The following CCDC91 variants were observed in gnomAD, a reference collection of about 807,000 sequenced individuals.
The protein encoded by CCDC91 is coiled-coil domain containing 91.
In CCDC91, 48 loss-of-function variants were observed where a neutral mutation model predicts 63.2. The observed-to-expected ratio is 0.76, with a 90% CI of 0.60 to 0.97. The LOEUF is 0.97. Among genes scored for constraint, CCDC91 ranks in the 50% least tolerant of loss-of-function variants. The pLI is 0.00. For synonymous variants in CCDC91, 167 were observed against 165.8 expected (o/e 1.01, Z -0.06); for missense variants, 500 against 494.6 (o/e 1.01, Z -0.10).
intron 7 of CCDC91, among the ~76,000 whole-genome samples, chr12:28,367,836 G>A (rs1199431379): frequency 6.6e-6 from 1 of 151,768 alleles, no homozygotes; most frequent in South Asian, 2.1e-4. Flanking sequence ...TTTGAATATG[G>A]CAAATTTCCC....
intron 6 of CCDC91, among the ~76,000 whole-genome samples, chr12:28,314,253 A>G (rs1239322452): frequency 6.6e-6 from 1 of 151,994 alleles, no homozygotes; most frequent in Non-Finnish European, 1.5e-5. Context: ...TTACCTATAA[A>G]TGGATTTATA....
intron 6 of CCDC91, among the ~76,000 whole-genome samples, chr12:28,317,271 G>T (rs1939994080): frequency 6.6e-6 from 1 of 151,958 alleles, no homozygotes; most frequent in Non-Finnish European, 1.5e-5. Flanking sequence ...GGATTTTTGA[G>T]ACATCTAAAA....
At chr12:28,531,348 A>C (rs1462853412) in intron 12 of CCDC91, among the ~76,000 whole-genome samples, 1 of 152,118 alleles carries the variant, frequency 6.6e-6, no homozygotes. Flanking sequence ...AAATTATCAA[A>C]ATTTTTTATA....
intron 11 of CCDC91, among the ~76,000 whole-genome samples, chr12:28,471,586 A>G (rs1451265519): frequency 1.3e-5 from 2 of 152,164 alleles, no homozygotes; most frequent in African/African-American, 2.4e-5. Context: ...CAGTTTGGAG[A>G]TAGGTCAAGG....
chr12:28,478,481 AAATGT>A (rs1951246371), intron 11 of CCDC91, among the ~76,000 whole-genome samples: 1 of 152,170 alleles, frequency 6.6e-6, no homozygotes, highest in East Asian at 1.9e-4. Context: ...TTAAAGACTT[AAATGT>A]TAGACCTAAA....
At chr12:28,318,771 A>T (rs1338638623) in intron 6 of CCDC91, among the ~76,000 whole-genome samples, 5 of 152,052 alleles carry the variant, frequency 3.3e-5, no homozygotes, top group Non-Finnish European at 7.4e-5. Context: ...ATTTATTGGA[A>T]CTAAATGGAA....
chr12:28,308,927 C>G (rs1939028261), intron 6 of CCDC91, among the ~76,000 whole-genome samples: 1 of 151,966 alleles, frequency 6.6e-6, no homozygotes, highest in South Asian at 2.1e-4. Flanking sequence ...AAATGTAAAT[C>G]AAATCAGATC....
chr12:28,507,922 G>A (rs1266242815), intron 12 of CCDC91, among the ~76,000 whole-genome samples: 1 of 151,910 alleles, frequency 6.6e-6, no homozygotes, highest in Non-Finnish European at 1.5e-5. Flanking sequence ...AGCTGGGATG[G>A]CCCTTCAGGG....
rs114996763 is a variant in CCDC91, at chr12:28,454,565, G to C, written c.1101+1911G>C. On this transcript the variant is annotated intron_variant, in intron 11 of 12. Coordinates refer to ENST00000536442, the MANE Select transcript of CCDC91 (RefSeq NM_018318.5). ...TTGCCATCTTTCTTGGACTGGGCAG[G>C]AGAGTAGGCTATAACAACTGTTTGC... Among the ~76,000 whole-genome samples the C allele has an allele frequency of 7.7e-3, 1,171 of 152,226 alleles. 20 individuals are homozygous for C. The highest frequency in any genetic ancestry group is 0.027 in the African/African-American group (1,137 of 41,532).
chr12:28,531,162 A>G (rs1941698385), intron 12 of CCDC91, among the ~76,000 whole-genome samples: 2 of 152,168 alleles, frequency 1.3e-5, no homozygotes, highest in South Asian at 4.1e-4. Flanking sequence ...TGTGCTTTTC[A>G]GAGATATTTC....
At chr12:28,232,902 AC>A (rs1944691566) in intron 1 of CCDC91, among the ~76,000 whole-genome samples, 1 of 150,650 alleles carries the variant, frequency 6.6e-6, no homozygotes, top group African/African-American at 2.4e-5. Flanking sequence ...AATCACTTGA[AC>A]CCAGGAGGCA....
intron 12 of CCDC91, among the ~76,000 whole-genome samples, chr12:28,486,594 T>C (rs1471937537): frequency 1.3e-5 from 2 of 152,116 alleles, no homozygotes; most frequent in East Asian, 1.9e-4. Context: ...AAGGGAGTTA[T>C]GTGGCTACCA....
chr12:28,250,925 T>G (rs901827047), intron 1 of CCDC91, among the ~76,000 whole-genome samples: 2 of 150,908 alleles, frequency 1.3e-5, no homozygotes, highest in African/African-American at 4.9e-5. Flanking sequence ...CAGTCTTAAT[T>G]GCTTTCTATT....
At chr12:28,301,012 A>G (rs1268048194) in intron 3 of CCDC91, among the ~76,000 whole-genome samples, 2 of 151,644 alleles carry the variant, frequency 1.3e-5, no homozygotes, top group African/African-American at 4.8e-5. Context: ...TATTCTCATG[A>G]TAGAAACATG....
intron 1 of CCDC91, among the ~76,000 whole-genome samples, chr12:28,232,145 A>G (rs941192702): frequency 2.0e-5 from 3 of 152,088 alleles, no homozygotes; most frequent in African/African-American, 2.4e-5. Context: ...AATTGTGACC[A>G]TGGGTTTTCT....
At chr12:28,449,354 C>A (rs1184953516) in intron 8 of CCDC91, among the ~76,000 whole-genome samples, 2 of 151,924 alleles carry the variant, frequency 1.3e-5, no homozygotes, top group South Asian at 4.2e-4. Context: ...ATCTTACTTG[C>A]CTTTAATAAC....
chr12:28,375,089 A>G (rs1944861552), intron 7 of CCDC91, among the ~76,000 whole-genome samples: 1 of 151,576 alleles, frequency 6.6e-6, no homozygotes. Context: ...CCTGGATCAG[A>G]GCCCCACTTC....
At chr12:28,482,633 A>T (rs1032948245) in intron 11 of CCDC91, among the ~76,000 whole-genome samples, 6 of 151,974 alleles carry the variant, frequency 3.9e-5, no homozygotes, top group African/African-American at 1.4e-4. Flanking sequence ...GTAAGCAAAG[A>T]TTCTAAAAAC....
At chr12:28,421,844 A>G (rs900939154) in intron 8 of CCDC91, among the ~76,000 whole-genome samples, 3 of 151,888 alleles carry the variant, frequency 2.0e-5, no homozygotes, top group East Asian at 1.9e-4. Context: ...CCTTCTTCCT[A>G]TTCCTTCCCT....
Sources: allele counts gnomAD v4.1 joint callset (sites outside exome capture counted in the v4.1 genomes callset), GRCh38; gene constraint gnomAD v4.1.1; transcripts MANE v1.5; gene names NCBI Gene and HGNC (gene_info 2026-07-23, HGNC 2026-07-21).